PPP3CA: variants seen among roughly 807,000 people sequenced by gnomAD.
PPP3CA encodes CAM-PRP catalytic subunit.
Under a neutral mutation model 66.5 loss-of-function variants are expected in PPP3CA, and 14 were observed. That is an observed-to-expected ratio of 0.21 (90% CI 0.14 to 0.33). The LOEUF (loss-of-function observed/expected upper bound fraction) is 0.33. Ranked by LOEUF, PPP3CA falls within the 10% of genes least tolerant of loss-of-function variation. PPP3CA has a pLI of 1.00. For synonymous variants in PPP3CA, 232 were observed against 226.2 expected, an observed-to-expected ratio of 1.03 and a Z score of -0.23; for missense variants, 317 against 639.5, an observed-to-expected ratio of 0.50 and a Z score of 5.44.
intron 3 of PPP3CA, among the ~76,000 whole-genome samples, chr4:101,108,503 C>T (rs1007035384): frequency 2.0e-5 from 3 of 152,302 alleles, no homozygotes; most frequent in East Asian, 1.9e-4. Context: ...TGGTGGCTCA[C>T]GCCTGTAATC....
At chr4:101,095,421 CA>C (rs1207481767) in intron 5 of PPP3CA, among the ~76,000 whole-genome samples, 3 of 151,808 alleles carry the variant, frequency 2.0e-5, no homozygotes. Context: ...TAAACAAATA[CA>C]AAAAAACTTG....
At chr4:101,156,818 G>A (rs993455267) in intron 2 of PPP3CA, among the ~76,000 whole-genome samples, 4 of 152,234 alleles carry the variant, frequency 2.6e-5, no homozygotes. Flanking sequence ...GTTTCATGAA[G>A]TCCTTTAAAT....
Position 101,083,336 on chromosome 4 carries a change from C to G in PPP3CA, c.783-73G>C, listed in dbSNP as rs1729522695. 2.3e-6 allele frequency: 3 copies of G among 1,284,018 alleles called. No homozygotes were observed. In the African/African-American group the frequency reaches 4.4e-5, roughly 19 times the overall value. 79.5% of individuals were successfully genotyped at this position (1,284,018 alleles called of 1,614,324 possible). On this transcript the variant is annotated intron_variant, in intron 6 of 13. Transcript: ENST00000394854. ...GGAGTAGCACATTTATCTCTAACAT[C>G]CAGATCTATGTGACTGGATCAAAGA...
intron 1 of PPP3CA, among the ~76,000 whole-genome samples, chr4:101,224,925 T>C (rs1430747790): frequency 6.6e-6 from 1 of 151,720 alleles, no homozygotes; most frequent in African/African-American, 2.4e-5. Flanking sequence ...ATGCCTCTTT[T>C]GCCCTCTTCT....
intron 1 of PPP3CA, among the ~76,000 whole-genome samples, chr4:101,282,783 G>A (rs571231411): frequency 3.3e-4 from 50 of 152,248 alleles, no homozygotes; most frequent in Admixed American, 7.2e-4. Flanking sequence ...CAGAAACATG[G>A]CTGATTTACA....
At chr4:101,054,802 C>T (rs1293094921) in intron 10 of PPP3CA, among the ~76,000 whole-genome samples, 2 of 152,066 alleles carry the variant, frequency 1.3e-5, no homozygotes, top group South Asian at 2.1e-4. Context: ...TCCATATTCA[C>T]TTGCTTATGG....
chr4:101,333,278 T>C (rs1426519570), intron 1 of PPP3CA, among the ~76,000 whole-genome samples: 2 of 46,840 alleles, frequency 4.3e-5, no homozygotes, highest in East Asian at 1.4e-3. Context: ...CAGTTTTTTT[T>C]TTTTTTTTTT....
At chr4:101,053,909 T>A (rs546396753) in intron 10 of PPP3CA, among the ~76,000 whole-genome samples, 1 of 152,072 alleles carries the variant, frequency 6.6e-6, no homozygotes, top group Non-Finnish European at 1.5e-5. Flanking sequence ...AGATACTTTA[T>A]TAAGTTCCTA....
At chr4:101,221,954 A>G (rs190838595) in intron 1 of PPP3CA, among the ~76,000 whole-genome samples, 65 of 151,726 alleles carry the variant, frequency 4.3e-4, no homozygotes, top group Middle Eastern at 3.4e-3. Context: ...ACACTTAAAA[A>G]TAGGAGATAT....
At chr4:101,123,950 A>C (rs1377767672) in intron 2 of PPP3CA, among the ~76,000 whole-genome samples, 1 of 152,226 alleles carries the variant, frequency 6.6e-6, no homozygotes, top group Non-Finnish European at 1.5e-5. Context: ...GAAGACAGCT[A>C]GAATAACTGG....
At chr4:101,076,472 G>A (rs1355543471) in intron 8 of PPP3CA, among the ~76,000 whole-genome samples, 2 of 152,080 alleles carry the variant, frequency 1.3e-5, no homozygotes, top group Non-Finnish European at 2.9e-5. Flanking sequence ...CAAGAAAAAC[G>A]TAAACAATAA....
intron 11 of PPP3CA, among the ~76,000 whole-genome samples, chr4:101,037,483 T>C (rs1022822714): frequency 4.5e-4 from 69 of 152,338 alleles, no homozygotes; most frequent in African/African-American, 1.6e-3. Flanking sequence ...AATCACGTCC[T>C]GTTTTCCCAA....
chr4:101,300,777 A>T (rs1434376592), intron 1 of PPP3CA, among the ~76,000 whole-genome samples: 1 of 152,214 alleles, frequency 6.6e-6, no homozygotes, highest in Non-Finnish European at 1.5e-5. Flanking sequence ...CCTGGGTGAC[A>T]GAACGAGACT....
At chr4:101,144,026 A>C (rs1722889366) in intron 2 of PPP3CA, among the ~76,000 whole-genome samples, 1 of 151,674 alleles carries the variant, frequency 6.6e-6, no homozygotes, top group Non-Finnish European at 1.5e-5. Flanking sequence ...TCCACTCATC[A>C]CCCTCCTTCT....
intron 3 of PPP3CA, among the ~76,000 whole-genome samples, chr4:101,106,468 A>AGAAGAGAAGAGAAGAGAAGAGAAGAGAAG (rs1560605272): frequency 6.5e-5 from 3 of 46,126 alleles, no homozygotes; most frequent in African/African-American, 3.9e-4. Flanking sequence ...AAGAAAAGAA[A>AGAAGAGAAGAGAAGAGAAGAGAAGAGAAG]AGAAAAGAAA....
chr4:101,103,406 T>A (rs1167555510), intron 3 of PPP3CA, among the ~76,000 whole-genome samples: 1 of 152,152 alleles, frequency 6.6e-6, no homozygotes, highest in Non-Finnish European at 1.5e-5. Context: ...CTCTAAGACA[T>A]CACTTGCCTG....
intron 1 of PPP3CA, among the ~76,000 whole-genome samples, chr4:101,202,356 A>G (rs1010225394): frequency 6.6e-6 from 1 of 152,216 alleles, no homozygotes; most frequent in Non-Finnish European, 1.5e-5. Flanking sequence ...AACAAAGAGT[A>G]AAGAGATATG....
At chr4:101,237,919 T>C (rs1726178568) in intron 1 of PPP3CA, among the ~76,000 whole-genome samples, 2 of 151,976 alleles carry the variant, frequency 1.3e-5, no homozygotes, top group African/African-American at 4.8e-5. Flanking sequence ...AAGACCAAAC[T>C]CAAAAGCCAT....
At chr4:101,268,545 C>T (rs1727238526) in intron 1 of PPP3CA, among the ~76,000 whole-genome samples, 1 of 152,054 alleles carries the variant, frequency 6.6e-6, no homozygotes, top group Non-Finnish European at 1.5e-5. Flanking sequence ...ACCTGCAACT[C>T]GGACAGTCAA....
Sources: allele counts gnomAD v4.1 joint callset (sites outside exome capture counted in the v4.1 genomes callset), GRCh38; gene constraint gnomAD v4.1.1; transcripts MANE v1.5; gene names NCBI Gene and HGNC (gene_info 2026-07-23, HGNC 2026-07-21).